GABRB3: variants seen among roughly 807,000 people sequenced by gnomAD.
GABRB3 encodes gamma-aminobutyric acid receptor subunit beta-3.
A neutral mutation model predicts 52.1 loss-of-function variants in GABRB3; 14 were observed. The observed-to-expected ratio is 0.27, with a 90% CI of 0.18 to 0.42. GABRB3 has a LOEUF of 0.42. Ranked by LOEUF, GABRB3 falls within the 10% of genes least tolerant of loss-of-function variation. The pLI, the probability that GABRB3 is intolerant of heterozygous loss-of-function variation, is 1.00. For missense variants in GABRB3, 307 were observed against 609.1 expected (o/e 0.50, Z 5.22); for synonymous variants, 260 against 232.3 (o/e 1.12, Z -1.08).
At chr15:26,595,990 T>C (rs758867340) in intron 4 of GABRB3, among the ~76,000 whole-genome samples, 19 of 152,284 alleles carry the variant, frequency 1.2e-4, no homozygotes, top group Non-Finnish European at 2.5e-4. Flanking sequence ...TAAATGTGTC[T>C]TTCTAACAAA....
chr15:26,612,014 C>T (rs1212710330), intron 4 of GABRB3: 1 of 152,086 alleles, frequency 6.6e-6, no homozygotes, highest in Non-Finnish European at 1.5e-5. Context: ...TAGTCACATG[C>T]CTGAAGTAAT....
chr15:26,610,472 T>C (rs1420956825), intron 4 of GABRB3, among the ~76,000 whole-genome samples: 2 of 152,186 alleles, frequency 1.3e-5, no homozygotes, highest in East Asian at 3.9e-4. Context: ...GCTTTGGTGG[T>C]TGATTGTGTA....
intron 8 of GABRB3, among the ~76,000 whole-genome samples, chr15:26,551,888 C>G (rs1424894458): frequency 6.6e-6 from 1 of 152,090 alleles, no homozygotes; most frequent in African/African-American, 2.4e-5. Context: ...TTCATGGAGA[C>G]ACGTGATGTG....
At chr15:26,571,591 C>T (rs1890398578) in intron 6 of GABRB3, among the ~76,000 whole-genome samples, 1 of 152,126 alleles carries the variant, frequency 6.6e-6, no homozygotes, top group Non-Finnish European at 1.5e-5. Context: ...GCAGTAGAAA[C>T]CACTATTGAC....
intron 3 of GABRB3, among the ~76,000 whole-genome samples, chr15:26,652,323 A>G (rs557298495): frequency 6.6e-6 from 1 of 152,246 alleles, no homozygotes; most frequent in South Asian, 2.1e-4. Context: ...AAACTGTAAA[A>G]CCAAACTGTA....
chr15:26,673,066 C>T (rs1264877385), intron 3 of GABRB3, among the ~76,000 whole-genome samples: 1 of 152,166 alleles, frequency 6.6e-6, no homozygotes. Flanking sequence ...AATTGACCTC[C>T]TATCGTGTTT....
chr15:26,724,454 C>A (rs1889719741), intron 3 of GABRB3, among the ~76,000 whole-genome samples: 1 of 152,158 alleles, frequency 6.6e-6, no homozygotes. Flanking sequence ...CAGAAACCAG[C>A]CCTTTTGAAA....
chr15:26,618,058 A>G (rs1287567468), intron 4 of GABRB3, among the ~76,000 whole-genome samples: 2 of 152,216 alleles, frequency 1.3e-5, no homozygotes, highest in Admixed American at 6.5e-5. Context: ...CATGGGCAGG[A>G]AGAATCAGTA....
Position 26,772,933 on chromosome 15 carries a change from G to C in GABRB3, c.30C>G (p.Phe10Leu). The stretch of plus-strand genomic sequence containing the variant: ...CCAGCACCGGGGCCGAGAAGATGCC[G>C]AAAAGCCTTCCTCCCGCAAGGCCCC... MWGLAGGRL[F>L]GIFSAPVLVA... The change falls in exon 1 of 9, where the codon TTC becomes TTG. Residue 10 changes from phenylalanine to leucine, a missense_variant. Physicochemically the swap from Phe to Leu is conservative, Grantham distance 22. Coordinates refer to ENST00000311550, the MANE Select transcript of GABRB3 (RefSeq NM_000814.6). 2 of 1,488,186 alleles carry C rather than the reference G, an allele frequency of 1.3e-6. No individual in the cohort carries two copies. The highest frequency in any genetic ancestry group is 1.5e-5 in the African/African-American group (1 of 68,840). The allele number at this position is 1,488,186 out of a possible 1,614,324, so 92.2% of individuals were successfully genotyped here. A position where few individuals can be genotyped will look rare whatever the true frequency, so the allele number is the denominator to read the frequency against.
chr15:26,764,367 C>G (rs1890937786), intron 3 of GABRB3, among the ~76,000 whole-genome samples: 3 of 151,390 alleles, frequency 2.0e-5, no homozygotes, highest in African/African-American at 7.3e-5. Flanking sequence ...AATTAGGACA[C>G]TTAAAGAACT....
rs1889963868 is a variant in GABRB3 at position 26,561,052 on chromosome 15, G to A, written c.960C>T (p.Ala320=). 10 of 1,614,016 alleles carry A rather than the reference G, an allele frequency of 6.2e-6. No homozygotes were observed. Among genetic ancestry groups the A allele is most frequent in the Non-Finnish European group, 8.5e-6 (10 of 1,180,050 alleles). ...LMGCFVFVFL[A]LLEYAFVNYI... ...AGTTGACAAAGGCATACTCCAGAAG[G>A]GCCAGGAACACAAAGACGAAGCAGC... Residue 320 remains alanine (A), a synonymous_variant, in exon 8 of 9, where the codon GCC becomes GCT. Coordinates refer to ENST00000311550, the MANE Select transcript of GABRB3 (RefSeq NM_000814.6).
intron 3 of GABRB3, among the ~76,000 whole-genome samples, chr15:26,654,052 A>G (rs1887284937): frequency 6.6e-6 from 1 of 152,226 alleles, no homozygotes; most frequent in African/African-American, 2.4e-5. Flanking sequence ...GAGGTCCGCA[A>G]TAGCTATTTC....
chr15:26,738,405 A>C (rs1252104888), intron 3 of GABRB3, among the ~76,000 whole-genome samples: 1 of 152,202 alleles, frequency 6.6e-6, no homozygotes, highest in Non-Finnish European at 1.5e-5. Context: ...ACTGACAAAA[A>C]GGACGGATTT....
At chr15:26,592,321 A>C (rs1891237725) in intron 4 of GABRB3, among the ~76,000 whole-genome samples, 1 of 152,212 alleles carries the variant, frequency 6.6e-6, no homozygotes, top group Non-Finnish European at 1.5e-5. Flanking sequence ...ATGAGAGTGA[A>C]ACTGAAGTCA....
intron 3 of GABRB3, among the ~76,000 whole-genome samples, chr15:26,739,665 AATTT>A (rs1890152725): frequency 6.6e-6 from 1 of 152,132 alleles, no homozygotes; most frequent in African/African-American, 2.4e-5. Context: ...GAAGTTTGAA[AATTT>A]ATTAGAAAAA....
intron 7 of GABRB3, among the ~76,000 whole-genome samples, chr15:26,564,494 G>T (rs1247074400): frequency 6.6e-6 from 1 of 152,184 alleles, no homozygotes; most frequent in Non-Finnish European, 1.5e-5. Flanking sequence ...GTCCAACAGT[G>T]CCCAGAGCCC....
chr15:26,631,458 A>G (rs565498832), intron 3 of GABRB3, among the ~76,000 whole-genome samples: 2 of 152,256 alleles, frequency 1.3e-5, no homozygotes, highest in South Asian at 4.1e-4. Flanking sequence ...TCCCTGAGAA[A>G]GAAATGCAAT....
At chr15:26,615,846 G>T in intron 4 of GABRB3, 1 of 1,223,634 alleles carries the variant, frequency 8.2e-7, no homozygotes, top group Non-Finnish European at 1.0e-6. Context: ...GAGAAATTCA[G>T]TCTGAAGGTC....
Position 26,580,434 on chromosome 15 carries a change from A to T in GABRB3, c.567T>A (p.Ile189=), listed in dbSNP as rs199627412. 2 of 1,614,064 alleles carry T rather than the reference A, an allele frequency of 1.2e-6. No homozygotes were observed. Among genetic ancestry groups the T allele is most frequent in the Non-Finnish European group, 8.5e-7 (1 of 1,179,976 alleles). Residue 189 remains isoleucine, a synonymous_variant, in exon 6 of 9, where the codon ATT becomes ATA. Transcript: ENST00000311550. ...IESYGYTTDD[I]EFYWRGGDKA... ...TGTCCCCGCCTCGCCAGTAAAACTC[A>T]ATGTCATCCGTGGTGTAGCCATCTG...
Sources: gnomAD v4.1 joint callset for allele counts (sites outside exome capture counted in the v4.1 genomes callset) on GRCh38, gnomAD v4.1.1 for gene constraint, MANE v1.5 for transcripts, NCBI Gene and HGNC (gene_info 2026-07-23, HGNC 2026-07-21) for gene names.